TMEM71: variants seen among roughly 807,000 people sequenced by gnomAD.
TMEM71 encodes the protein transmembrane protein 71.
In TMEM71, 44 loss-of-function variants were observed where a neutral mutation model predicts 38.0. The ratio of observed to expected loss-of-function variants is 1.16; its 90% CI spans 0.91 to 1.49. The LOEUF is 1.49. Among genes scored for constraint, TMEM71 ranks in the 40% most tolerant of loss-of-function variants. The pLI, the probability that TMEM71 is intolerant of heterozygous loss-of-function variation, is 0.00. For synonymous variants in TMEM71, 133 were observed against 122.5 expected (o/e 1.09, Z -0.56); for missense variants, 367 against 348.6 (o/e 1.05, Z -0.42).
Position 132,751,796 on chromosome 8 carries a change from C to T in TMEM71, c.303G>A (p.Glu101=), listed in dbSNP as rs781407751. 1 of 1,613,402 alleles carries T rather than the reference C, an allele frequency of 6.2e-7. No homozygotes were observed. The highest frequency in any genetic ancestry group is 8.5e-7 in the Non-Finnish European group (1 of 1,179,990). The change falls in exon 4 of 10, where the codon GAG becomes GAA. Residue 101 remains glutamate, a synonymous_variant. Transcript: ENST00000677595. ...NPSQTSVMYK[E]NLVRIFRKKK... ...TATGCTCTGCTTACCTAACTAAGTT[C>T]TCCTTATACATAACGCTGGTCTGGG...
At chr8:132,708,726 T>C (rs28635276), downstream of TMEM71, among the ~76,000 whole-genome samples, 4,995 of 152,286 alleles carry the variant, frequency 0.033, 262 homozygotes, top group African/African-American at 0.11. Context: ...GATTTTAAAA[T>C]GGAAAGATTA....
At chr8:132,750,287 C>T (rs1319841988) in intron 4 of TMEM71, among the ~76,000 whole-genome samples, 1 of 152,118 alleles carries the variant, frequency 6.6e-6, no homozygotes, top group African/African-American at 2.4e-5. Flanking sequence ...GTTTGAGATG[C>T]CTGTAGGAAA....
the TMEM71 span, among the ~76,000 whole-genome samples, chr8:132,770,847 A>C: frequency 6.6e-6 from 1 of 152,234 alleles, no homozygotes; most frequent in African/African-American, 2.4e-5. Context: ...CAAACCTAAG[A>C]TATAAATCAG....
At chr8:132,734,320 C>G (rs1827627687) in intron 5 of TMEM71, among the ~76,000 whole-genome samples, 1 of 151,956 alleles carries the variant, frequency 6.6e-6, no homozygotes, top group Non-Finnish European at 1.5e-5. Flanking sequence ...ATGTGCAGTT[C>G]TCTGTATAGC....
intron 3 of TMEM71, among the ~76,000 whole-genome samples, chr8:132,753,721 C>G (rs780075930): frequency 6.6e-6 from 1 of 152,148 alleles, no homozygotes; most frequent in Non-Finnish European, 1.5e-5. Context: ...TAACATTAAT[C>G]CAGTCACTTA....
At chr8:132,727,753 A>G in intron 6 of TMEM71, 45 bp downstream of exon 6, 1 of 1,496,062 alleles carries the variant, frequency 6.7e-7, no homozygotes, top group East Asian at 2.3e-5. Context: ...CTCTGAAAGG[A>G]AGAATTCTTT....
chr8:132,718,180 T>G (rs1031907125), intron 7 of TMEM71, among the ~76,000 whole-genome samples: 1 of 152,190 alleles, frequency 6.6e-6, no homozygotes, highest in African/African-American at 2.4e-5. Flanking sequence ...GTTGCACAAT[T>G]TTGTAAATAT....
At chr8:132,742,821 C>T (rs1248608838) in intron 5 of TMEM71, among the ~76,000 whole-genome samples, 1 of 152,138 alleles carries the variant, frequency 6.6e-6, no homozygotes, top group African/African-American at 2.4e-5. Flanking sequence ...TAAAGACATA[C>T]CCAAGACTGG....
In TMEM71 at chr8:132,710,452, A is replaced by G. The variant is rs550723106; in HGVS notation, c.*515T>C. On this transcript the variant is annotated 3_prime_UTR_variant, in exon 10 of 10. Coordinates refer to ENST00000677595, the MANE Select transcript of TMEM71 (RefSeq NM_001382403.1). ...ATATCAAGTCACTCCACTGAGGTGAATGACAAACTTTTGCAGCATTATATT... is the reference window on the plus strand; with the variant it reads ...ATATCAAGTCACTCCACTGAGGTGAGTGACAAACTTTTGCAGCATTATATT... 1 of 170,356 alleles carries G rather than the reference A, an allele frequency of 5.9e-6. No homozygotes were observed. Among genetic ancestry groups the G allele is most frequent in the Admixed American group, 6.3e-5 (1 of 15,798 alleles). The allele number at this position is 170,356 out of a possible 1,614,324, so 10.6% of individuals were successfully genotyped here. A position where few individuals can be genotyped will look rare whatever the true frequency, so the allele number is the denominator to read the frequency against.
intron 5 of TMEM71, among the ~76,000 whole-genome samples, chr8:132,734,604 A>G (rs539917912): frequency 1.3e-5 from 2 of 152,356 alleles, no homozygotes; most frequent in East Asian, 1.9e-4. Context: ...ATTTTCTGAA[A>G]GAAAATATGG....
At chr8:132,743,672 A>T (rs975486027) in intron 5 of TMEM71, among the ~76,000 whole-genome samples, 1 of 152,154 alleles carries the variant, frequency 6.6e-6, no homozygotes, top group African/African-American at 2.4e-5. Context: ...GGCCTCAGTA[A>T]CCACCTAGAC....
At chr8:132,765,777 C>T in the TMEM71 span, among the ~76,000 whole-genome samples, 2 of 150,160 alleles carry the variant, frequency 1.3e-5, no homozygotes, top group South Asian at 2.1e-4. Flanking sequence ...ATTATTATTA[C>T]TATTATTATT....
intron 5 of TMEM71, among the ~76,000 whole-genome samples, chr8:132,741,460 C>T (rs1189820789): frequency 1.3e-5 from 2 of 151,968 alleles, no homozygotes; most frequent in Non-Finnish European, 2.9e-5. Context: ...GTAGTGGCCC[C>T]GAATGTCTGG....
intron 5 of TMEM71, among the ~76,000 whole-genome samples, chr8:132,728,751 A>T (rs1010942492): frequency 2.6e-5 from 4 of 152,192 alleles, no homozygotes; most frequent in Non-Finnish European, 4.4e-5. Context: ...TTATTCATTC[A>T]ACATTTATTG....
the TMEM71 span, chr8:132,775,270 G>T: frequency 3.1e-6 from 1 of 322,282 alleles, no homozygotes; most frequent in South Asian, 1.4e-4. Context: ...CGCCTCCTAC[G>T]GCGGCCCGCC....
At position 132,714,617 on chromosome 8, in the gene TMEM71, A is replaced by G. The variant is rs138938987; in HGVS notation, c.753-402T>C. Among the ~76,000 whole-genome samples the G allele has an allele frequency of 1.7e-3, 262 of 152,348 alleles. 1 individual carries two copies. Among genetic ancestry groups the G allele is most frequent in the Non-Finnish European group, 2.9e-3 (198 of 68,036 alleles). The stretch of plus-strand genomic sequence containing the variant: ...AAAACTGTAAAACTTCTAGAAGAAA[A>G]CATGGGGGAATATCAATATGACCTT... On this transcript the variant is annotated intron_variant, in intron 7 of 9. Coordinates refer to ENST00000677595, the MANE Select transcript of TMEM71 (RefSeq NM_001382403.1).
chr8:132,741,986 G>A (rs964611163), intron 5 of TMEM71, among the ~76,000 whole-genome samples: 18 of 152,232 alleles, frequency 1.2e-4, no homozygotes, highest in African/African-American at 4.3e-4. Flanking sequence ...AGACGCTGGC[G>A]TCACCACTAG....
rs368142818 is a variant in TMEM71 at position 132,751,775 on chromosome 8, C to A, written c.314+10G>T. On this transcript the variant is annotated intron_variant, in intron 4 of 9. Transcript: ENST00000677595. ...ACTTCAGATTTCTTTCTGTAATATG[C>A]TCTGCTTACCTAACTAAGTTCTCCT... The A allele has an allele frequency of 1.1e-5, 17 of 1,610,582 alleles. No individual in the cohort carries two copies. In the African/African-American group the frequency reaches 2.0e-4, roughly 19 times the overall value.
the TMEM71 span, among the ~76,000 whole-genome samples, chr8:132,774,398 C>T: frequency 2.6e-5 from 4 of 152,194 alleles, no homozygotes; most frequent in African/African-American, 9.7e-5. Context: ...TCACCATGCT[C>T]AGTCTAGCTC....
Sources: gnomAD v4.1 joint callset for allele counts (sites outside exome capture counted in the v4.1 genomes callset) on GRCh38, gnomAD v4.1.1 for gene constraint, MANE v1.5 for transcripts, NCBI Gene and HGNC (gene_info 2026-07-23, HGNC 2026-07-21) for gene names.